The following CAMK4 variants were observed in gnomAD, a reference collection of about 807,000 sequenced individuals.
The protein encoded by CAMK4 is calcium/calmodulin-dependent protein kinase type IV.
Under a neutral mutation model 44.9 loss-of-function variants are expected in CAMK4, and 22 were observed. The ratio of observed to expected loss-of-function variants is 0.49; its 90% CI spans 0.35 to 0.70. CAMK4 has a LOEUF of 0.70. Ranked by LOEUF, CAMK4 falls within the 30% of genes least tolerant of loss-of-function variation. The pLI, the probability that CAMK4 is intolerant of heterozygous loss-of-function variation, is 0.01. For missense variants in CAMK4, 498 were observed against 586.8 expected, an observed-to-expected ratio of 0.85 and a Z score of 1.56; for synonymous variants, 218 against 215.4, an observed-to-expected ratio of 1.01 and a Z score of -0.11.
At chr5:111,385,290 A>G (rs1392029079) in intron 4 of CAMK4, among the ~76,000 whole-genome samples, 1 of 152,090 alleles carries the variant, frequency 6.6e-6, no homozygotes, top group Non-Finnish European at 1.5e-5. Flanking sequence ...TAGAGTACAA[A>G]ACAAGGGGGT....
chr5:111,361,485 G>T (rs938536818), intron 2 of CAMK4, among the ~76,000 whole-genome samples: 9 of 151,922 alleles, frequency 5.9e-5, no homozygotes, highest in Non-Finnish European at 1.3e-4. Flanking sequence ...AAAAATCTTG[G>T]TCATATGAAA....
intron 1 of CAMK4, among the ~76,000 whole-genome samples, chr5:111,296,370 T>C (rs576502268): frequency 3.3e-4 from 50 of 152,346 alleles, no homozygotes; most frequent in African/African-American, 1.0e-3. Flanking sequence ...GGCATTTATA[T>C]TATAGAAGTC....
rs551702520 is a variant in CAMK4, at chr5:111,483,962, G to T, written c.982-64G>T. The T allele has an allele frequency of 3.7e-5, 46 of 1,251,020 alleles. No homozygotes were observed. In the South Asian group the frequency reaches 7.0e-4, roughly 19 times the overall value. 77.5% of individuals were successfully genotyped at this position (1,251,020 alleles called of 1,614,324 possible). On this transcript the variant is annotated intron_variant, in intron 10 of 10. Transcript: ENST00000282356. ...CGGAATCCCTAAAAGCAAAGCTGGG[G>T]TTGAGCTCTGATGTGGGGTGTTAAA... is the stretch of plus-strand genomic sequence containing the variant.
At position 111,384,589 on chromosome 5, in the gene CAMK4, C is replaced by G. The variant is rs147359091; in HGVS notation, c.386+7647C>G. On this transcript the variant is annotated intron_variant, in intron 4 of 10. Transcript: ENST00000282356. ...CAGCATCCCTCTCTCAATCTCACTCCCCTTCCCTGTGAACTGATTCACCAA... is the reference window on the plus strand; with the variant it reads ...CAGCATCCCTCTCTCAATCTCACTCGCCTTCCCTGTGAACTGATTCACCAA... Among the ~76,000 whole-genome samples the G allele has an allele frequency of 2.7e-4, 41 of 152,222 alleles. No individual in the cohort carries two copies. In the East Asian group the frequency reaches 6.8e-3, roughly 25 times the overall value.
At chr5:111,225,317 C>A (rs1748134650) in intron 1 of CAMK4, among the ~76,000 whole-genome samples, 1 of 152,214 alleles carries the variant, frequency 6.6e-6, no homozygotes, top group Non-Finnish European at 1.5e-5. Context: ...ATTATATATG[C>A]AACAGACCAT....
chr5:111,345,635 T>C (rs1403449595), intron 2 of CAMK4, among the ~76,000 whole-genome samples: 3 of 151,956 alleles, frequency 2.0e-5, no homozygotes, highest in African/African-American at 7.2e-5. Flanking sequence ...GGAAGAGACA[T>C]ATGAAAGTCT....
At chr5:111,471,504 C>T (rs1027029919) in intron 7 of CAMK4, among the ~76,000 whole-genome samples, 1 of 152,152 alleles carries the variant, frequency 6.6e-6, no homozygotes, top group Non-Finnish European at 1.5e-5. Flanking sequence ...CATTCTTCCA[C>T]CCAAGCTTTA....
intron 2 of CAMK4, among the ~76,000 whole-genome samples, chr5:111,355,613 T>C (rs1750310038): frequency 1.3e-5 from 2 of 149,500 alleles, no homozygotes; most frequent in Non-Finnish European, 3.0e-5. Flanking sequence ...TAACTCGTCA[T>C]TTAGCATTAG....
chr5:111,281,204 A>G (rs970095792), intron 1 of CAMK4, among the ~76,000 whole-genome samples: 11 of 152,162 alleles, frequency 7.2e-5, no homozygotes, highest in African/African-American at 2.7e-4. Flanking sequence ...TAGAAATCCA[A>G]AAATTTCTGA....
chr5:111,326,989 A>G (rs989673003), intron 1 of CAMK4, among the ~76,000 whole-genome samples: 3 of 151,868 alleles, frequency 2.0e-5, no homozygotes, highest in African/African-American at 7.2e-5. Context: ...AGTGCTTTCT[A>G]AGAAACTGTT....
chr5:111,418,305 G>C (rs1483834408), intron 5 of CAMK4, among the ~76,000 whole-genome samples: 6 of 152,134 alleles, frequency 3.9e-5, no homozygotes, highest in Non-Finnish European at 8.8e-5. Context: ...CAGACATCAA[G>C]TACTTTACAA....
intron 5 of CAMK4, among the ~76,000 whole-genome samples, chr5:111,432,090 T>G (rs1428519223): frequency 6.6e-6 from 1 of 152,144 alleles, no homozygotes; most frequent in Non-Finnish European, 1.5e-5. Context: ...ATAGCTAAGA[T>G]TTGGAAGCAA....
intron 5 of CAMK4, among the ~76,000 whole-genome samples, chr5:111,401,430 G>T (rs1321927929): frequency 2.6e-5 from 4 of 152,102 alleles, no homozygotes; most frequent in Non-Finnish European, 5.9e-5. Flanking sequence ...GTATAACATA[G>T]CTTTTTGGTT....
chr5:111,315,511 G>C (rs1246653502), intron 1 of CAMK4, among the ~76,000 whole-genome samples: 1 of 152,072 alleles, frequency 6.6e-6, no homozygotes, highest in Non-Finnish European at 1.5e-5. Context: ...TTTCATTTAC[G>C]TGCCTGGCAC....
intron 5 of CAMK4, among the ~76,000 whole-genome samples, chr5:111,414,539 C>G (rs1363386480): frequency 1.3e-5 from 2 of 151,978 alleles, no homozygotes; most frequent in Non-Finnish European, 2.9e-5. Context: ...CATAATTTTG[C>G]TAGCCTGATT....
Position 111,452,990 on chromosome 5 carries a change from C to T in CAMK4, c.625+3787C>T, listed in dbSNP as rs193130198. 2.9e-3 allele frequency among the ~76,000 whole-genome samples: 443 copies of T among 152,296 alleles called. 1 individual carries two copies. Among genetic ancestry groups the T allele is most frequent in the South Asian group, 6.6e-3 (32 of 4,828 alleles). Reference sequence around the variant, plus strand: ...GTTTTTTTGGCTCTAAAGTGCTAAACATAGAAATGTAATTACTATTATATA... The same window carrying T: ...GTTTTTTTGGCTCTAAAGTGCTAAATATAGAAATGTAATTACTATTATATA... On this transcript the variant is annotated intron_variant, in intron 7 of 10. Coordinates refer to ENST00000282356, the MANE Select transcript of CAMK4 (RefSeq NM_001744.6).
At position 111,403,758 on chromosome 5, in the gene CAMK4, T is replaced by A. The variant is rs76476765; in HGVS notation, c.459+8976T>A. 5.2e-3 allele frequency among the ~76,000 whole-genome samples: 791 copies of A among 152,270 alleles called. 8 individuals are homozygous for A. The highest frequency in any genetic ancestry group is 0.018 in the African/African-American group (730 of 41,556). On this transcript the variant is annotated intron_variant, in intron 5 of 10. Transcript: ENST00000282356. The stretch of plus-strand genomic sequence containing the variant: ...GGGACACAGAGGATCTAAAAACAAT[T>A]CCTGGGCAAGGGAGGGGATTTCCTT...
At chr5:111,475,253 G>T (rs1271629529) in intron 8 of CAMK4, among the ~76,000 whole-genome samples, 3 of 152,252 alleles carry the variant, frequency 2.0e-5, no homozygotes, top group South Asian at 4.1e-4. Flanking sequence ...CAAAATGTAG[G>T]TTTGCCCCTA....
chr5:111,378,862 A>C (rs1421443865), intron 4 of CAMK4, among the ~76,000 whole-genome samples: 1 of 152,010 alleles, frequency 6.6e-6, no homozygotes, highest in African/African-American at 2.4e-5. Context: ...AATAAAGCTT[A>C]GATGGCTCTA....
Sources: allele counts gnomAD v4.1 joint callset (sites outside exome capture counted in the v4.1 genomes callset), GRCh38; gene constraint gnomAD v4.1.1; transcripts MANE v1.5; gene names NCBI Gene and HGNC (gene_info 2026-07-23, HGNC 2026-07-21).